FBN2: variants seen among roughly 807,000 people sequenced by gnomAD.
FBN2 encodes fibrillin 2, also known as fibrillin-2.
Under a neutral mutation model 355.6 loss-of-function variants are expected in FBN2, and 105 were observed. That is an observed-to-expected ratio of 0.30 (90% confidence interval 0.25 to 0.35). FBN2 has a LOEUF of 0.35. Among genes scored for constraint, FBN2 ranks in the 10% least tolerant of loss-of-function variants. The pLI, the probability that FBN2 is intolerant of heterozygous loss-of-function variation, is 1.00. For synonymous variants in FBN2, 1,350 were observed against 1,301.2 expected, an observed-to-expected ratio of 1.04 and a Z score of -0.81; for missense variants, 3,280 against 3,758.7, an observed-to-expected ratio of 0.87 and a Z score of 3.33.
At chr5:128,508,068 T>C (rs897857618) in intron 5 of FBN2, among the ~76,000 whole-genome samples, 75 of 152,228 alleles carry the variant, frequency 4.9e-4, no homozygotes, top group African/African-American at 1.6e-3. Flanking sequence ...CTTCTTTGTC[T>C]GATATTAACT....
At chr5:128,344,090 T>A (rs373815030) in intron 25 of FBN2, among the ~76,000 whole-genome samples, 13 of 152,032 alleles carry the variant, frequency 8.6e-5, no homozygotes, top group South Asian at 2.1e-4. Context: ...AAATAAATAA[T>A]TAACTTTTTA....
At chr5:128,373,356 T>C (rs1445272682) in intron 15 of FBN2, among the ~76,000 whole-genome samples, 2 of 152,242 alleles carry the variant, frequency 1.3e-5, no homozygotes, top group Non-Finnish European at 2.9e-5. Context: ...CTAGCTGCTG[T>C]ATTTGAAATA....
At chr5:128,446,448 A>G (rs557873438) in intron 7 of FBN2, 33 bp downstream of exon 7, 1 of 1,611,276 alleles carries the variant, frequency 6.2e-7, no homozygotes, top group Non-Finnish European at 8.5e-7. Flanking sequence ...TAAAGTCACA[A>G]TTAGGCATGC....
rs1475171336 is a variant in FBN2 at position 128,490,874 on chromosome 5, CAA to C, written c.629-25955_629-25954del. On this transcript the variant is annotated intron_variant, in intron 5 of 64. Transcript: ENST00000262464. The stretch of plus-strand genomic sequence containing the variant: ...ACTGATCAGTGGCTTGTATGAGAAA[CAA>C]AGAGGTTACTCATCAATTTCTTAAC... Among the ~76,000 whole-genome samples the C allele has an allele frequency of 7.2e-5, 11 of 152,152 alleles. No individual in the cohort carries two copies. The East Asian group carries it at 1.4e-3, about 19-fold the overall frequency.
chr5:128,330,262 T>C (rs1329282556), intron 33 of FBN2, among the ~76,000 whole-genome samples: 1 of 152,250 alleles, frequency 6.6e-6, no homozygotes, highest in Non-Finnish European at 1.5e-5. Context: ...TGAATCCAGG[T>C]AGTCTGATCC....
intron 56 of FBN2, among the ~76,000 whole-genome samples, chr5:128,279,422 T>C (rs1447905741): frequency 1.3e-5 from 2 of 152,154 alleles, no homozygotes; most frequent in African/African-American, 4.8e-5. Context: ...TTACACTTTA[T>C]ATGTAGGTTA....
intron 15 of FBN2, among the ~76,000 whole-genome samples, chr5:128,372,878 T>A (rs775118917): frequency 6.6e-6 from 1 of 152,028 alleles, no homozygotes; most frequent in South Asian, 2.1e-4. Context: ...CCGCCCAACA[T>A]GGAATCCCAA....
At chr5:128,426,015 G>T (rs1352935881) in intron 7 of FBN2, among the ~76,000 whole-genome samples, 1 of 152,192 alleles carries the variant, frequency 6.6e-6, no homozygotes, top group East Asian at 1.9e-4. Context: ...GTGTGAAGGT[G>T]TGAGTAGGGA....
In FBN2 at chr5:128,408,715, G is replaced by A; in HGVS notation, c.1037C>T (p.Pro346Leu). 6.2e-7 allele frequency: 1 copy of A among 1,613,912 alleles called. No homozygotes were observed. Among genetic ancestry groups the A allele is most frequent in the Non-Finnish European group, 8.5e-7 (1 of 1,179,918 alleles). Residue 346 changes from proline (P) to leucine (L), a missense_variant, in exon 8 of 65, where the codon CCA becomes CTA. By Grantham distance (98) the Pro-to-Leu change is moderately conservative. Around this residue, in one of 6 missense-constraint regions of FBN2, gnomAD observed 343 missense variants for 331.0 expected, o/e 1.04. Transcript: ENST00000262464. The part of the protein sequence containing the change: ...NTVGSYFCVC[P>L]RGYVTSTDGS... ...ATCTGTTGAGGTTACATATCCACGT[G>A]GACAAACACAAAAATAGCTTCCCAC... is the stretch of plus-strand genomic sequence containing the variant.
Position 128,289,269 on chromosome 5 carries a change from C to G in FBN2, c.6512-17G>C, listed in dbSNP as rs28763932. 1,227 of 1,613,440 alleles carry G rather than the reference C, an allele frequency of 7.6e-4. 9 individuals are homozygous for G. In the African/African-American group the frequency reaches 0.015, roughly 19 times the overall value. On this transcript the variant is annotated splice_polypyrimidine_tract_variant and intron_variant, in intron 51 of 64. Transcript: ENST00000262464. Reference sequence around the variant, plus strand: ...CATTGACATCTAAAATATAGAACTGCATGTGAATTTCCTCATATAAAAAGA... The same window carrying G: ...CATTGACATCTAAAATATAGAACTGGATGTGAATTTCCTCATATAAAAAGA...
At chr5:128,386,548 C>T (rs552460458) in intron 11 of FBN2, among the ~76,000 whole-genome samples, 32 of 152,106 alleles carry the variant, frequency 2.1e-4, no homozygotes, top group Admixed American at 4.6e-4. Context: ...AGGTTTTTTT[C>T]TAATTCTGTA....
At chr5:128,530,465 C>T (rs371698774) in intron 3 of FBN2, 130 bp downstream of exon 3, 87 of 703,890 alleles carry the variant, frequency 1.2e-4, no homozygotes, top group South Asian at 8.7e-4. Flanking sequence ...TTAACAGTAT[C>T]TCATAATGTT....
At chr5:128,334,572 T>C (rs1581223468) in intron 31 of FBN2, 147 bp downstream of exon 31, 2 of 880,548 alleles carry the variant, frequency 2.3e-6, no homozygotes, top group East Asian at 2.5e-5. Context: ...CCATCACACA[T>C]CCTATAGGTC....
chr5:128,518,367 T>A (rs760839965), intron 5 of FBN2, among the ~76,000 whole-genome samples: 3 of 152,120 alleles, frequency 2.0e-5, no homozygotes, highest in South Asian at 2.1e-4. Flanking sequence ...GACTAACCAT[T>A]TATATGAATA....
In FBN2 at chr5:128,258,618, T is replaced by C. The variant is rs1159181906; in HGVS notation, c.*837A>G. On this transcript the variant is annotated 3_prime_UTR_variant, in exon 65 of 65. Transcript: ENST00000262464. ...AGAATGAGGTGTTGTGGGTAGCACA[T>C]ATGGTTCCTTGAGGTTATGAGAAGG... 1 of 152,504 alleles carries C rather than the reference T, an allele frequency of 6.6e-6. No individual in the cohort carries two copies. The highest frequency in any genetic ancestry group is 2.4e-5 in the African/African-American group (1 of 41,388). 9.4% of individuals were successfully genotyped at this position (152,504 alleles called of 1,614,324 possible). A position where few individuals can be genotyped will look rare whatever the true frequency, so the allele number is the denominator to read the frequency against.
At chr5:128,354,952 G>T (rs781148083) in intron 20 of FBN2, among the ~76,000 whole-genome samples, 4 of 152,166 alleles carry the variant, frequency 2.6e-5, no homozygotes, top group Non-Finnish European at 5.9e-5. Context: ...AGTGACAAAT[G>T]TGAGAGTCAA....
chr5:128,336,037 G>A lies in FBN2; in HGVS notation c.3675C>T (p.Cys1225=), dbSNP rs141485941. ...TAGCCTGATATCCAGGATTGCAAGAGCACTGATAGGTTCCAATCATGTTCA... is the reference window on the plus strand; with the variant it reads ...TAGCCTGATATCCAGGATTGCAAGAACACTGATAGGTTCCAATCATGTTCA... ...KCVNMIGTYQ[C]SCNPGYQATP... is the part of the protein sequence containing the mutation. Residue 1225 remains cysteine, a synonymous_variant, in exon 28 of 65, where the codon TGC becomes TGT. Transcript: ENST00000262464. 1.2e-6 allele frequency: 2 copies of A among 1,613,802 alleles called. No individual in the cohort carries two copies. The highest frequency in any genetic ancestry group is 2.7e-5 in the African/African-American group (2 of 74,944).
chr5:128,491,919 T>C (rs1001670159), intron 5 of FBN2, among the ~76,000 whole-genome samples: 1 of 152,208 alleles, frequency 6.6e-6, no homozygotes, highest in Non-Finnish European at 1.5e-5. Flanking sequence ...CTCCTTCTAA[T>C]AAACAGCTTG....
intron 20 of FBN2, among the ~76,000 whole-genome samples, chr5:128,351,364 T>C (rs981295192): frequency 2.0e-5 from 3 of 152,098 alleles, no homozygotes; most frequent in Non-Finnish European, 4.4e-5. Flanking sequence ...CTGGTCAACA[T>C]GGTGAAACCC....
Sources: allele counts gnomAD v4.1 joint callset (sites outside exome capture counted in the v4.1 genomes callset), GRCh38; gene constraint gnomAD v4.1.1; regional missense constraint gnomAD v4.1.1; transcripts MANE v1.5; gene names NCBI Gene and HGNC (gene_info 2026-07-23, HGNC 2026-07-21).